The following PDE10A variants were observed in gnomAD, a reference collection of about 807,000 sequenced individuals.
PDE10A encodes the protein phosphodiesterase 10A, also known as cAMP and cAMP-inhibited cGMP 3',5'-cyclic phosphodiesterase 10A.
In PDE10A, 39 loss-of-function variants were observed where a neutral mutation model predicts 97.7. The observed-to-expected ratio is 0.40, with a 90% CI of 0.31 to 0.52. The LOEUF is 0.52. Ranked by LOEUF, PDE10A falls within the 20% of genes least tolerant of loss-of-function variation. The probability of loss-of-function intolerance (pLI) is 0.56; values close to 1 mark genes in which losing one functional copy is unlikely to be tolerated. For missense variants in PDE10A, 731 were observed against 1,047.8 expected (o/e 0.70, Z 4.17); for synonymous variants, 371 against 376.8 (o/e 0.98, Z 0.18).
In PDE10A at chr6:165,496,887, A is replaced by C. The variant is rs111922579; in HGVS notation, c.995-14544T>G. ...TCAGTTTATTTTTATTTTCATTCTTACTATATATGTTTTAAGCATCAAAAG... is the reference window on the plus strand; with the variant it reads ...TCAGTTTATTTTTATTTTCATTCTTCCTATATATGTTTTAAGCATCAAAAG... On this transcript the variant is annotated intron_variant, in intron 2 of 21. Transcript: ENST00000539869. Among the ~76,000 whole-genome samples, 669 of 152,290 alleles carry C rather than the reference A, an allele frequency of 4.4e-3. 6 individuals carry two copies. The highest frequency in any genetic ancestry group is 0.015 in the African/African-American group (615 of 41,562).
chr6:165,667,508 G>C (rs997038884), upstream of PDE10A, among the ~76,000 whole-genome samples: 3 of 151,780 alleles, frequency 2.0e-5, no homozygotes, highest in Non-Finnish European at 4.4e-5. Flanking sequence ...ATTAGAATTC[G>C]TTATAATTTT....
chr6:165,847,779 TCAAAGAGATAAGAA>T, intron 1 of PDE10A, among the ~76,000 whole-genome samples: 1 of 152,386 alleles, frequency 6.6e-6, no homozygotes, highest in South Asian at 2.1e-4. Context: ...TGTGTAGTTC[TCAAAGAGATAAGAA>T]CAAAGTTAAC....
chr6:165,514,568 C>T (rs974461233), intron 2 of PDE10A, among the ~76,000 whole-genome samples: 1 of 152,176 alleles, frequency 6.6e-6, no homozygotes, highest in African/African-American at 2.4e-5. Flanking sequence ...TGCATATCTT[C>T]AGCCAGAAAC....
intron 1 of PDE10A, among the ~76,000 whole-genome samples, chr6:165,717,059 T>C (rs1228272531): frequency 6.6e-6 from 1 of 152,196 alleles, no homozygotes; most frequent in Non-Finnish European, 1.5e-5. Flanking sequence ...AATTGACTTC[T>C]CTAGGTGCGT....
intron 3 of PDE10A, among the ~76,000 whole-genome samples, chr6:165,464,059 A>G (rs1046341865): frequency 3.9e-5 from 6 of 152,214 alleles, no homozygotes; most frequent in Non-Finnish European, 8.8e-5. Flanking sequence ...CGGGGATCTC[A>G]GCTCTGAAGG....
At chr6:165,443,989 A>G (rs965929196) in intron 5 of PDE10A, among the ~76,000 whole-genome samples, 3 of 152,228 alleles carry the variant, frequency 2.0e-5, no homozygotes, top group African/African-American at 4.8e-5. Flanking sequence ...ATTTCTCCAC[A>G]GAAAATCGGT....
intron 1 of PDE10A, among the ~76,000 whole-genome samples, chr6:165,732,364 C>A (rs1261326512): frequency 2.0e-5 from 3 of 152,284 alleles, no homozygotes; most frequent in East Asian, 3.9e-4. Context: ...GTGGGGCAGA[C>A]CCTGGGGGCA....
intron 1 of PDE10A, among the ~76,000 whole-genome samples, chr6:165,911,363 A>G (rs953211563): frequency 6.6e-6 from 1 of 152,214 alleles, no homozygotes; most frequent in Non-Finnish European, 1.5e-5. Flanking sequence ...ACTCCAAATG[A>G]GTTTCTCAAA....
chr6:165,533,815 C>G (rs925237842), intron 2 of PDE10A, among the ~76,000 whole-genome samples: 3 of 148,502 alleles, frequency 2.0e-5, no homozygotes, highest in African/African-American at 7.3e-5. Flanking sequence ...TTAAAAATCA[C>G]TTCAGAAATC....
intron 2 of PDE10A, among the ~76,000 whole-genome samples, chr6:165,499,837 G>A (rs1297631451): frequency 5.9e-5 from 9 of 152,086 alleles, no homozygotes; most frequent in Non-Finnish European, 1.0e-4. Context: ...TTGAACACAA[G>A]GCAATGCAAG....
intron 1 of PDE10A, among the ~76,000 whole-genome samples, chr6:165,965,749 T>C (rs1784492430): frequency 6.6e-6 from 1 of 152,196 alleles, no homozygotes; most frequent in South Asian, 2.1e-4. Flanking sequence ...TAAGTACTAA[T>C]ACAGAGCCAT....
intron 1 of PDE10A, among the ~76,000 whole-genome samples, chr6:165,838,527 C>T (rs1373286931): frequency 6.6e-6 from 1 of 152,194 alleles, no homozygotes; most frequent in East Asian, 1.9e-4. Flanking sequence ...TTTCCATCAG[C>T]TCCAAAAGAA....
chr6:165,978,040 G>A (rs1784901092), intron 1 of PDE10A, among the ~76,000 whole-genome samples: 1 of 152,190 alleles, frequency 6.6e-6, no homozygotes, highest in South Asian at 2.1e-4. Context: ...CAAATGAATT[G>A]ATGACAGAGG....
chr6:165,978,000 T>C (rs1404014772), intron 1 of PDE10A, among the ~76,000 whole-genome samples: 1 of 152,236 alleles, frequency 6.6e-6, no homozygotes, highest in Non-Finnish European at 1.5e-5. Flanking sequence ...GATGTGCTTT[T>C]CCATTCCTAC....
intron 1 of PDE10A, among the ~76,000 whole-genome samples, chr6:165,825,869 T>C (rs1211099017): frequency 6.6e-6 from 1 of 152,204 alleles, no homozygotes; most frequent in Non-Finnish European, 1.5e-5. Flanking sequence ...TTACCCGGCT[T>C]CACCATTTTC....
At chr6:165,476,351 G>T (rs921469660) in intron 3 of PDE10A, among the ~76,000 whole-genome samples, 2 of 152,136 alleles carry the variant, frequency 1.3e-5, no homozygotes, top group African/African-American at 4.8e-5. Context: ...TAATAAGACA[G>T]ATTGAAATGA....
At chr6:165,491,581 C>T (rs924855751) in intron 2 of PDE10A, among the ~76,000 whole-genome samples, 1 of 152,140 alleles carries the variant, frequency 6.6e-6, no homozygotes, top group African/African-American at 2.4e-5. Flanking sequence ...TGGAAATCAA[C>T]TCCAAAAGGG....
intron 3 of PDE10A, among the ~76,000 whole-genome samples, chr6:165,453,315 A>G (rs1006503353): frequency 1.3e-5 from 2 of 152,232 alleles, no homozygotes; most frequent in Non-Finnish European, 2.9e-5. Context: ...TTAAGTGTGA[A>G]AAGACATGTT....
intron 1 of PDE10A, among the ~76,000 whole-genome samples, chr6:165,833,277 CA>C (rs1779975946): frequency 6.6e-6 from 1 of 152,154 alleles, no homozygotes; most frequent in Non-Finnish European, 1.5e-5. Flanking sequence ...GCAATTTGTC[CA>C]GCCTCAATTA....
Sources: allele counts gnomAD v4.1 joint callset (sites outside exome capture counted in the v4.1 genomes callset), GRCh38; gene constraint gnomAD v4.1.1; transcripts MANE v1.5; gene names NCBI Gene and HGNC (gene_info 2026-07-23, HGNC 2026-07-21).